The following UTS2B variants were observed in gnomAD, a reference collection of about 807,000 sequenced individuals.
UTS2B encodes the protein urotensin-2B.
A neutral mutation model predicts 19.2 loss-of-function variants in UTS2B; 21 were observed. The observed-to-expected ratio is 1.09, with a 90% CI of 0.78 to 1.58. The LOEUF is 1.58. Among genes scored for constraint, UTS2B ranks in the 40% most tolerant of loss-of-function variants. The pLI is 0.00. For missense variants in UTS2B, 138 were observed against 130.3 expected (o/e 1.06, Z -0.29); for synonymous variants, 57 against 50.2 (o/e 1.14, Z -0.58).
At chr3:191,343,048 T>C in the UTS2B span, among the ~76,000 whole-genome samples, 1 of 152,142 alleles carries the variant, frequency 6.6e-6, no homozygotes, top group Non-Finnish European at 1.5e-5. Context: ...CAATCAAGTG[T>C]AGATCAGAAA....
chr3:191,280,059 A>G (rs969712117), intron 5 of UTS2B, among the ~76,000 whole-genome samples: 7 of 152,132 alleles, frequency 4.6e-5, no homozygotes, highest in Non-Finnish European at 1.0e-4. Context: ...GTTTTTGCAA[A>G]TATTACACAG....
chr3:191,314,556 TA>T (rs559290560), intron 3 of UTS2B, among the ~76,000 whole-genome samples: 2 of 152,236 alleles, frequency 1.3e-5, no homozygotes, highest in Non-Finnish European at 2.9e-5. Flanking sequence ...CCAAAATCTT[TA>T]GACTGTTTTG....
chr3:191,342,681 C>A, the UTS2B span, among the ~76,000 whole-genome samples: 3 of 152,030 alleles, frequency 2.0e-5, no homozygotes, highest in Non-Finnish European at 4.4e-5. Context: ...GGCTGCCAAA[C>A]CATTTGAGGG....
intron 3 of UTS2B, among the ~76,000 whole-genome samples, chr3:191,311,193 T>C (rs1994378): frequency 0.23 from 34,925 of 152,156 alleles, 4,219 homozygotes; most frequent in South Asian, 0.28. Context: ...GGTTCCCTGA[T>C]AGCAGTCAGT....
upstream of UTS2B, among the ~76,000 whole-genome samples, chr3:191,335,340 GTGCCAT>G (rs1468925838): frequency 6.6e-6 from 1 of 152,186 alleles, no homozygotes; most frequent in East Asian, 1.9e-4. Context: ...GCCACTGGAA[GTGCCAT>G]TGGATTAATG....
intron 4 of UTS2B, among the ~76,000 whole-genome samples, chr3:191,287,734 T>C (rs572070930): frequency 6.6e-6 from 1 of 151,846 alleles, no homozygotes; most frequent in African/African-American, 2.4e-5. Flanking sequence ...CTACGCAACA[T>C]TGTACTCGAA....
intron 7 of UTS2B, 131 bp from the exon 8 acceptor site, chr3:191,275,476 C>CG: frequency 1.6e-6 from 1 of 645,080 alleles, no homozygotes; most frequent in Non-Finnish European, 2.8e-6. Flanking sequence ...GTCAGGCGAT[C>CG]AAGACCATCC....
chr3:191,345,645 C>G, the UTS2B span, among the ~76,000 whole-genome samples: 3 of 152,274 alleles, frequency 2.0e-5, no homozygotes, highest in African/African-American at 7.2e-5. Flanking sequence ...TGCCTGCAAT[C>G]TGGTGTATCT....
At chr3:191,275,711 A>C (rs1008309911) in intron 7 of UTS2B, among the ~76,000 whole-genome samples, 2 of 151,770 alleles carry the variant, frequency 1.3e-5, no homozygotes. Flanking sequence ...CAAAAAAAAA[A>C]CCATGCTGCT....
chr3:191,292,968 G>A (rs538251731), intron 4 of UTS2B, among the ~76,000 whole-genome samples: 12 of 151,714 alleles, frequency 7.9e-5, no homozygotes, highest in East Asian at 3.9e-4. Flanking sequence ...CGCACACTGC[G>A]CTCCAGCCTG....
At chr3:191,323,411 C>T (rs985137983) in intron 2 of UTS2B, among the ~76,000 whole-genome samples, 1 of 152,120 alleles carries the variant, frequency 6.6e-6, no homozygotes, top group South Asian at 2.1e-4. Flanking sequence ...TCAGGTGGTT[C>T]GCCCACCTGG....
chr3:191,309,024 T>C (rs1717217551), intron 3 of UTS2B, among the ~76,000 whole-genome samples: 2 of 152,232 alleles, frequency 1.3e-5, no homozygotes, highest in African/African-American at 2.4e-5. Flanking sequence ...GGATCACTAT[T>C]TTAATAATAG....
At chr3:191,275,091 T>C (rs934558229) in intron 8 of UTS2B, among the ~76,000 whole-genome samples, 161 bp downstream of exon 8, 1 of 152,224 alleles carries the variant, frequency 6.6e-6, no homozygotes, top group African/African-American at 2.4e-5. Flanking sequence ...AATACATTTA[T>C]ATGGTAACAC....
chr3:191,270,132 T>C (rs1716046901), intron 8 of UTS2B, among the ~76,000 whole-genome samples: 1 of 152,260 alleles, frequency 6.6e-6, no homozygotes, highest in South Asian at 2.1e-4. Context: ...GCTGGATTTC[T>C]GGGTCTATTT....
the UTS2B span, among the ~76,000 whole-genome samples, chr3:191,343,690 T>G: frequency 6.6e-6 from 1 of 152,196 alleles, no homozygotes; most frequent in Non-Finnish European, 1.5e-5. Context: ...TAGGAGAATG[T>G]TTCTTCAGTT....
chr3:191,326,281 G>A (rs914152883), intron 2 of UTS2B, among the ~76,000 whole-genome samples: 10 of 151,682 alleles, frequency 6.6e-5, no homozygotes, highest in African/African-American at 2.2e-4. Context: ...TTCTAGATAC[G>A]CGGATATTAG....
chr3:191,325,985 C>T (rs1163640598), intron 2 of UTS2B, among the ~76,000 whole-genome samples: 3 of 152,168 alleles, frequency 2.0e-5, no homozygotes, highest in African/African-American at 7.2e-5. Context: ...AAGTGAATAA[C>T]AGTTCTAATT....
chr3:191,309,472 C>G (rs1039917169), intron 3 of UTS2B, among the ~76,000 whole-genome samples: 1 of 152,134 alleles, frequency 6.6e-6, no homozygotes, highest in Non-Finnish European at 1.5e-5. Context: ...CTCGCCTGGC[C>G]TCTTTGTTTT....
chr3:191,322,888 C>A (rs1359912996), intron 2 of UTS2B, among the ~76,000 whole-genome samples: 1 of 152,216 alleles, frequency 6.6e-6, no homozygotes, highest in African/African-American at 2.4e-5. Context: ...CACCTCCAAC[C>A]TCCTTTCCCT....
Sources: allele counts gnomAD v4.1 joint callset (sites outside exome capture counted in the v4.1 genomes callset), GRCh38; gene constraint gnomAD v4.1.1; transcripts MANE v1.5; gene names NCBI Gene and HGNC (gene_info 2026-07-23, HGNC 2026-07-21).